SLC14A2: variants seen among roughly 807,000 people sequenced by gnomAD.
The protein encoded by SLC14A2 is urea transporter 2.
Under a neutral mutation model 104.6 loss-of-function variants are expected in SLC14A2, and 91 were observed. The observed-to-expected ratio is 0.87, with a 90% confidence interval of 0.73 to 1.04. The LOEUF (loss-of-function observed/expected upper bound fraction) is 1.04, where lower values mean the gene tolerates loss of function less well. Among genes scored for constraint, SLC14A2 ranks in the 50% least tolerant of loss-of-function variants. SLC14A2 has a pLI of 0.00. For missense variants in SLC14A2, 1,189 were observed against 1,156.0 expected, an observed-to-expected ratio of 1.03 and a Z score of -0.41; for synonymous variants, 476 against 466.4, an observed-to-expected ratio of 1.02 and a Z score of -0.27.
intron 2 of SLC14A2, among the ~76,000 whole-genome samples, chr18:45,562,032 T>A (rs970529796): frequency 3.9e-5 from 6 of 152,206 alleles, no homozygotes; most frequent in Admixed American, 3.9e-4. Context: ...GCATTGAAAT[T>A]CCTGTGCCTA....
chr18:45,248,858 A>G (rs1344313377), intron 1 of SLC14A2, among the ~76,000 whole-genome samples: 2 of 152,258 alleles, frequency 1.3e-5, no homozygotes, highest in Non-Finnish European at 2.9e-5. Flanking sequence ...TAAACAGGGA[A>G]AAGCTTCCCT....
At chr18:45,359,798 C>A (rs1021391035) in intron 1 of SLC14A2, among the ~76,000 whole-genome samples, 3 of 152,192 alleles carry the variant, frequency 2.0e-5, no homozygotes, top group African/African-American at 7.2e-5. Context: ...CCTGGCATGG[C>A]ACGGGTCTGC....
intron 2 of SLC14A2, among the ~76,000 whole-genome samples, chr18:45,484,491 T>C (rs1467897356): frequency 1.3e-5 from 2 of 152,236 alleles, no homozygotes; most frequent in Non-Finnish European, 2.9e-5. Context: ...AGAGCAGGGA[T>C]TAGTTAACTT....
intron 10 of SLC14A2, 88 bp downstream of exon 10, chr18:45,644,248 G>T: frequency 1.5e-6 from 2 of 1,340,342 alleles, no homozygotes; most frequent in Non-Finnish European, 2.1e-6. Context: ...ATCAGTTGCA[G>T]CACTCACCTT....
intron 1 of SLC14A2, among the ~76,000 whole-genome samples, chr18:45,397,656 C>T (rs962726140): frequency 2.0e-5 from 3 of 152,108 alleles, no homozygotes; most frequent in African/African-American, 7.2e-5. Flanking sequence ...TGTGCAGAAG[C>T]TCTTAAGTTT....
chr18:45,454,743 C>T (rs2086914242), intron 1 of SLC14A2, among the ~76,000 whole-genome samples: 2 of 152,132 alleles, frequency 1.3e-5, no homozygotes, highest in Non-Finnish European at 2.9e-5. Context: ...TTTCCCAATG[C>T]CATTTATTAA....
chr18:45,512,804 G>T (rs1049014543), intron 2 of SLC14A2, among the ~76,000 whole-genome samples: 1 of 152,176 alleles, frequency 6.6e-6, no homozygotes, highest in Admixed American at 6.5e-5. Context: ...GGCCATTACT[G>T]GATTGGGGGG....
At chr18:45,465,786 G>T (rs550353991) in intron 1 of SLC14A2, among the ~76,000 whole-genome samples, 2 of 152,224 alleles carry the variant, frequency 1.3e-5, no homozygotes, top group African/African-American at 4.8e-5. Context: ...TGCCTGGCTG[G>T]CTGAGAGACA....
intron 2 of SLC14A2, among the ~76,000 whole-genome samples, chr18:45,525,690 C>T (rs9807553): frequency 0.18 from 27,012 of 152,154 alleles, 2,467 homozygotes; most frequent in Non-Finnish European, 0.21. Flanking sequence ...CAGGAGTTAT[C>T]ATCATCACAT....
intron 1 of SLC14A2, among the ~76,000 whole-genome samples, chr18:45,428,739 T>G (rs2086470988): frequency 6.6e-6 from 1 of 152,204 alleles, no homozygotes; most frequent in South Asian, 2.1e-4. Flanking sequence ...CCCTTGAGAC[T>G]GCATTACAAA....
At chr18:45,326,885 G>A (rs575017427) in intron 1 of SLC14A2, among the ~76,000 whole-genome samples, 13 of 152,194 alleles carry the variant, frequency 8.5e-5, no homozygotes, top group African/African-American at 3.1e-4. Flanking sequence ...TCTTACATGA[G>A]GGTGAGGATG....
intron 1 of SLC14A2, among the ~76,000 whole-genome samples, chr18:45,391,516 G>T (rs571585816): frequency 9.3e-4 from 142 of 152,246 alleles, no homozygotes; most frequent in African/African-American, 3.2e-3. Flanking sequence ...CTTCCACAAT[G>T]GTTGAACTAG....
At position 45,675,714 on chromosome 18, in the gene SLC14A2, T is replaced by TAC. The variant is rs1568006274; in HGVS notation, c.2512+1897_2512+1898insAC. Among the ~76,000 whole-genome samples, 3 of 68,480 alleles carry TAC rather than the reference T, an allele frequency of 4.4e-5. No individual in the cohort carries two copies. The East Asian group carries it at 1.1e-3, about 26-fold the overall frequency. The allele number at this position is 68,480 out of a possible 152,430, so 44.9% of individuals were successfully genotyped here. On this transcript the variant is annotated intron_variant, in intron 18 of 19. Coordinates refer to ENST00000255226, the MANE Select transcript of SLC14A2 (RefSeq NM_007163.4). ...ATATATATATATATATATATATTTT[T>TAC]TTTTTTTTTTTTTTTGGAGAGACAG...
chr18:45,544,786 C>CTTTTTTTTTTTT (rs71373715), intron 2 of SLC14A2, among the ~76,000 whole-genome samples: 1 of 88,868 alleles, frequency 1.1e-5, no homozygotes, highest in Non-Finnish European at 2.2e-5. Context: ...TCAATAATGT[C>CTTTTTTTTTTTT]TTTTTTTTTT....
chr18:45,423,157 G>A (rs1413397349), intron 1 of SLC14A2, among the ~76,000 whole-genome samples: 1 of 152,132 alleles, frequency 6.6e-6, no homozygotes, highest in African/African-American at 2.4e-5. Context: ...GTTTCAAATA[G>A]CTCATTATTT....
intron 14 of SLC14A2, 40 bp from the exon 15 acceptor site, chr18:45,668,309 G>A: frequency 6.2e-7 from 1 of 1,610,950 alleles, no homozygotes; most frequent in Non-Finnish European, 8.5e-7. Flanking sequence ...AAGGGCCCTG[G>A]GGAAGCCCCT....
At chr18:45,239,653 C>G (rs558639616) in intron 1 of SLC14A2, among the ~76,000 whole-genome samples, 44 of 152,306 alleles carry the variant, frequency 2.9e-4, no homozygotes, top group African/African-American at 1.0e-3. Flanking sequence ...ATGAAGAGTG[C>G]CTCATTCTGA....
intron 2 of SLC14A2, among the ~76,000 whole-genome samples, chr18:45,594,867 C>T (rs527909946): frequency 2.0e-5 from 3 of 152,254 alleles, no homozygotes; most frequent in Admixed American, 6.5e-5. Flanking sequence ...CCCCAGCAGC[C>T]GTCACACCCT....
chr18:45,474,893 T>A (rs2087328401), intron 1 of SLC14A2, among the ~76,000 whole-genome samples: 1 of 152,192 alleles, frequency 6.6e-6, no homozygotes, highest in Non-Finnish European at 1.5e-5. Context: ...TCTGCTCTGA[T>A]CTTAGTTATT....
Sources: gnomAD v4.1 joint callset for allele counts (sites outside exome capture counted in the v4.1 genomes callset) on GRCh38, gnomAD v4.1.1 for gene constraint, MANE v1.5 for transcripts, NCBI Gene and HGNC (gene_info 2026-07-23, HGNC 2026-07-21) for gene names.